Variants in SLC16A12 observed in about 807,000 individuals in gnomAD.
SLC16A12 encodes the protein monocarboxylate transporter 12.
Under a neutral mutation model 42.4 loss-of-function variants are expected in SLC16A12, and 17 were observed. The ratio of observed to expected loss-of-function variants is 0.40; its 90% CI spans 0.27 to 0.60. The LOEUF is 0.60. Ranked by LOEUF, SLC16A12 falls within the 20% of genes least tolerant of loss-of-function variation. SLC16A12 has a pLI of 0.42. For missense variants in SLC16A12, 544 were observed against 623.0 expected, an observed-to-expected ratio of 0.87 and a Z score of 1.35; for synonymous variants, 224 against 229.4, an observed-to-expected ratio of 0.98 and a Z score of 0.21.
At chr10:89,470,724 C>T (rs1842478303) in intron 2 of SLC16A12, among the ~76,000 whole-genome samples, 1 of 152,212 alleles carries the variant, frequency 6.6e-6, no homozygotes, top group African/African-American at 2.4e-5. Context: ...CATAAGTTCC[C>T]AGCAGCAAAG....
chr10:89,505,458 G>C (rs556178608), intron 2 of SLC16A12, among the ~76,000 whole-genome samples: 1 of 152,008 alleles, frequency 6.6e-6, no homozygotes, highest in African/African-American at 2.4e-5. Context: ...AAGAATTCCA[G>C]CAAGATGGCT....
At chr10:89,481,678 A>AGAGAGAGT (rs771386614) in intron 2 of SLC16A12, among the ~76,000 whole-genome samples, 16 of 143,892 alleles carry the variant, frequency 1.1e-4, no homozygotes, top group Admixed American at 2.8e-4. Context: ...AGAGAGAGAG[A>AGAGAGAGT]GTGTGTGTGT....
Position 89,438,770 on chromosome 10 carries a change from C to T in SLC16A12, c.862G>A (p.Val288Ile), listed in dbSNP as rs145964337. 1.5e-5 allele frequency: 24 copies of T among 1,614,050 alleles called. No homozygotes were observed. The highest frequency in any genetic ancestry group is 4.0e-5 in the African/African-American group (3 of 74,934). ...CCATAAGCCATAAACAGAACGGAGACGGCTAACACAACAAAGTCTGACATG... is the reference window on the plus strand; with the variant it reads ...CCATAAGCCATAAACAGAACGGAGATGGCTAACACAACAAAGTCTGACATG... ...LLMSDFVVLA[V>I]SVLFMAYGCS... is the part of the protein sequence containing the mutation. Residue 288 changes from valine to isoleucine, a missense_variant, in exon 6 of 8, where the codon GTC (valine) becomes ATC (isoleucine). By Grantham distance (29) the Val-to-Ile change is conservative. Coordinates refer to ENST00000371790, the MANE Select transcript of SLC16A12 (RefSeq NM_213606.4).
chr10:89,497,236 T>A (rs1842933044), intron 2 of SLC16A12, among the ~76,000 whole-genome samples: 1 of 152,128 alleles, frequency 6.6e-6, no homozygotes, highest in South Asian at 2.1e-4. Context: ...CTCTAAGAAA[T>A]AAAGTCTATT....
chr10:89,459,587 GACAAACAA>G (rs377535753), intron 3 of SLC16A12, among the ~76,000 whole-genome samples: 15 of 150,036 alleles, frequency 1.0e-4, no homozygotes, highest in African/African-American at 3.0e-4. Context: ...TATGCACAGT[GACAAACAA>G]ACAAACAAAC....
Position 89,438,876 on chromosome 10 carries a change from C to T in SLC16A12, c.756G>A (p.Val252=). 10 of 1,613,292 alleles carry T rather than the reference C, an allele frequency of 6.2e-6. No individual in the cohort carries two copies. Among genetic ancestry groups the T allele is most frequent in the African/African-American group, 1.3e-5 (1 of 74,702 alleles). Residue 252 remains valine, a synonymous_variant, in exon 6 of 8, where the codon GTG becomes GTA. Coordinates refer to ENST00000371790, the MANE Select transcript of SLC16A12 (RefSeq NM_213606.4). ...CTTTGGTCAAAGATGAATAGGGAGA[C>T]ACCCGCTTAATGTCTTCTTTCTGAG... The part of the protein sequence containing the change: ...CRTQKEDIKR[V]SPYSSLTKEW...
chr10:89,468,317 C>T lies in SLC16A12; in HGVS notation c.-46-5693G>A, dbSNP rs74400573. On this transcript the variant is annotated intron_variant, in intron 2 of 7. Transcript: ENST00000371790. The stretch of plus-strand genomic sequence containing the variant: ...ACAATTTCTCATGAATAAGCGCACT[C>T]GATCCTCACCATCCTCAGGGATAGA... Among the ~76,000 whole-genome samples, 32 of 152,256 alleles carry T rather than the reference C, an allele frequency of 2.1e-4. No individual in the cohort carries two copies. In the East Asian group the frequency reaches 6.0e-3, roughly 28 times the overall value.
rs189046619 is a variant in SLC16A12 at position 89,433,143 on chromosome 10, G to T, written c.1472C>A (p.Ala491Asp). 15 of 1,614,158 alleles carry T rather than the reference G, an allele frequency of 9.3e-6. No individual in the cohort carries two copies. In the African/African-American group the frequency reaches 2.0e-4, roughly 22 times the overall value. The change falls in exon 8 of 8, where the codon GCT becomes GAT. Residue 491 changes from alanine (A) to aspartate (D), a missense_variant. Physicochemically the swap from Ala to Asp is moderately radical, Grantham distance 126 (BLOSUM62 -2). Coordinates refer to ENST00000371790, the MANE Select transcript of SLC16A12 (RefSeq NM_213606.4). ...ATCTAATTCTCTTGCCACAGAATAAGCCACTGATCCATTGGTCCATAGCTG... is the reference window on the plus strand; with the variant it reads ...ATCTAATTCTCTTGCCACAGAATAATCCACTGATCCATTGGTCCATAGCTG... ...KLQLWTNGSV[A>D]YSVARELDQK... is the part of the protein sequence containing the mutation.
At chr10:89,455,080 A>G (rs1842165482) in intron 3 of SLC16A12, among the ~76,000 whole-genome samples, 1 of 152,150 alleles carries the variant, frequency 6.6e-6, no homozygotes, top group Non-Finnish European at 1.5e-5. Flanking sequence ...AGAAGGAGGA[A>G]GACTGGATGG....
intron 2 of SLC16A12, among the ~76,000 whole-genome samples, chr10:89,544,446 A>G (rs1206571507): frequency 6.6e-6 from 1 of 152,206 alleles, no homozygotes; most frequent in Non-Finnish European, 1.5e-5. Flanking sequence ...TACTGGTTTT[A>G]ATAATGTTGA....
At chr10:89,463,538 G>T (rs1352866299) in intron 2 of SLC16A12, among the ~76,000 whole-genome samples, 2 of 151,974 alleles carry the variant, frequency 1.3e-5, no homozygotes, top group African/African-American at 4.8e-5. Flanking sequence ...TGAAAATATA[G>T]GCAAATATTT....
chr10:89,458,029 C>T lies in SLC16A12; in HGVS notation c.200+4350G>A, dbSNP rs554744698. 1.7e-3 allele frequency among the ~76,000 whole-genome samples: 264 copies of T among 152,088 alleles called. 2 individuals carry two copies. The highest frequency in any genetic ancestry group is 5.9e-3 in the African/African-American group (246 of 41,474). ...GTGGATGTCCTGGGTTCTGCCTGGG[C>T]GGTTTGTTTATTTATTTGTAGATAG... On this transcript the variant is annotated intron_variant, in intron 3 of 7. Coordinates refer to ENST00000371790, the MANE Select transcript of SLC16A12 (RefSeq NM_213606.4).
chr10:89,542,910 C>T (rs1043121256), intron 2 of SLC16A12, among the ~76,000 whole-genome samples: 3 of 152,170 alleles, frequency 2.0e-5, no homozygotes, highest in African/African-American at 7.2e-5. Context: ...TAATGGGCAC[C>T]CTCTGTTACA....
chr10:89,554,083 AGAAAGAAAGAAAGAAAGAAGGAAG>A (rs1843790083), intron 2 of SLC16A12, among the ~76,000 whole-genome samples: 4 of 53,234 alleles, frequency 7.5e-5, no homozygotes, highest in Admixed American at 3.4e-4. Context: ...AAAGAAAGAA[AGAAAGAAAGAAAGAAAGAAGGAAG>A]GAAGGAAGGA....
At chr10:89,477,564 C>CA (rs34204051) in intron 2 of SLC16A12, among the ~76,000 whole-genome samples, 7,904 of 48,534 alleles carry the variant, frequency 0.16, 662 homozygotes, top group East Asian at 0.24. Context: ...AACTCTGTCT[C>CA]AAAAAAAAAA....
chr10:89,515,101 A>C (rs1430043848), intron 2 of SLC16A12, among the ~76,000 whole-genome samples: 2 of 91,512 alleles, frequency 2.2e-5, no homozygotes, highest in Non-Finnish European at 4.2e-5. Context: ...CAAAAAAAAG[A>C]AGCAAAACAA....
intron 2 of SLC16A12, 187 bp from the exon 3 acceptor site, chr10:89,462,811 CCT>C (rs1448698537): frequency 1.7e-6 from 1 of 597,442 alleles, no homozygotes; most frequent in Non-Finnish European, 2.7e-6. Context: ...TAAAATAGAA[CCT>C]CTCAAATTGT....
At chr10:89,465,924 A>G (rs1302193870) in intron 2 of SLC16A12, among the ~76,000 whole-genome samples, 1 of 152,208 alleles carries the variant, frequency 6.6e-6, no homozygotes, top group Non-Finnish European at 1.5e-5. Context: ...AGACATGAGG[A>G]AGAAACAAGC....
chr10:89,446,816 T>C (rs552858933), intron 3 of SLC16A12, among the ~76,000 whole-genome samples: 71 of 152,114 alleles, frequency 4.7e-4, no homozygotes, highest in Non-Finnish European at 7.9e-4. Context: ...GACTAGCCAA[T>C]TGGATAAAGA....
Sources: gnomAD v4.1 joint callset for allele counts (sites outside exome capture counted in the v4.1 genomes callset) on GRCh38, gnomAD v4.1.1 for gene constraint, MANE v1.5 for transcripts, NCBI Gene and HGNC (gene_info 2026-07-23, HGNC 2026-07-21) for gene names.